Variants in LRRTM3 observed in about 807,000 individuals in gnomAD.
LRRTM3 encodes the protein leucine rich repeat transmembrane neuronal 3, also known as leucine-rich repeat transmembrane neuronal protein 3.
A neutral mutation model predicts 44.7 loss-of-function variants in LRRTM3; 24 were observed. That is an observed-to-expected ratio of 0.54 (90% CI 0.39 to 0.76). The LOEUF is 0.76. Ranked by LOEUF, LRRTM3 falls within the 30% of genes least tolerant of loss-of-function variation. The pLI is 0.00. For synonymous variants in LRRTM3, 277 were observed against 278.7 expected (o/e 0.99, Z 0.06); for missense variants, 587 against 702.2 (o/e 0.84, Z 1.85).
intron 2 of LRRTM3, among the ~76,000 whole-genome samples, chr10:66,970,959 G>A (rs1029055025): frequency 6.6e-6 from 1 of 152,098 alleles, no homozygotes; most frequent in Non-Finnish European, 1.5e-5. Context: ...TATTAATTGT[G>A]CCAGGATTTC....
At chr10:67,013,884 A>G (rs1379640235) in intron 2 of LRRTM3, among the ~76,000 whole-genome samples, 1 of 152,152 alleles carries the variant, frequency 6.6e-6, no homozygotes, top group East Asian at 1.9e-4. Context: ...GATCTCTGAT[A>G]TCTAGCCTTC....
intron 2 of LRRTM3, among the ~76,000 whole-genome samples, chr10:66,967,585 C>T (rs1003451002): frequency 6.6e-6 from 1 of 151,916 alleles, no homozygotes; most frequent in African/African-American, 2.4e-5. Flanking sequence ...ATGATACAAC[C>T]ATATGAGGCG....
chr10:66,998,700 A>G (rs1284047569), intron 2 of LRRTM3, among the ~76,000 whole-genome samples: 1 of 152,184 alleles, frequency 6.6e-6, no homozygotes, highest in Non-Finnish European at 1.5e-5. Context: ...AACATTGTCC[A>G]GAATATACAA....
chr10:67,055,539 G>T (rs1377976220), intron 2 of LRRTM3, among the ~76,000 whole-genome samples: 5 of 152,160 alleles, frequency 3.3e-5, no homozygotes, highest in Admixed American at 3.3e-4. Context: ...AATGCCATTT[G>T]CAGGCTAGAA....
intron 2 of LRRTM3, among the ~76,000 whole-genome samples, chr10:67,042,534 G>T (rs986099787): frequency 1.3e-5 from 2 of 151,964 alleles, no homozygotes; most frequent in Admixed American, 6.6e-5. Flanking sequence ...TGTGGCAGTG[G>T]ATCAAATAGT....
In LRRTM3 at chr10:66,928,074, G is replaced by T. The variant is rs1847173343; in HGVS notation, c.1158G>T (p.Arg386Ser). ...CGACGTTTAAGCCCAAGCTCCCCAGGCCGAAGCATGAGAGCAAACCCCCTT... is the reference window on the plus strand; with the variant it reads ...CGACGTTTAAGCCCAAGCTCCCCAGTCCGAAGCATGAGAGCAAACCCCCTT... ...PKPTFKPKLP[R>S]PKHESKPPLP... Residue 386 changes from arginine (R) to serine (S), a missense_variant, in exon 2 of 3, where the codon AGG becomes AGT. By Grantham distance (110) the Arg-to-Ser change is moderately radical. Around this residue, in one of 3 missense-constraint regions of LRRTM3, gnomAD observed 315 missense variants for 335.6 expected, o/e 0.94. Coordinates refer to ENST00000361320, the MANE Select transcript of LRRTM3 (RefSeq NM_178011.5). The T allele has an allele frequency of 1.2e-6, 2 of 1,614,070 alleles. No homozygotes were observed. The highest frequency in any genetic ancestry group is 2.2e-5 in the East Asian group (1 of 44,866).
intron 2 of LRRTM3, among the ~76,000 whole-genome samples, chr10:67,083,041 T>G (rs1464781388): frequency 1.3e-5 from 2 of 152,168 alleles, no homozygotes; most frequent in Non-Finnish European, 2.9e-5. Context: ...AAAAAGCAGG[T>G]GTTCACCTAA....
chr10:67,048,804 C>A (rs867441529), intron 2 of LRRTM3, among the ~76,000 whole-genome samples: 7 of 151,988 alleles, frequency 4.6e-5, no homozygotes, highest in Admixed American at 4.6e-4. Flanking sequence ...TATTATATCT[C>A]ATAACATAAT....
chr10:66,998,937 A>C (rs1051894914), intron 2 of LRRTM3, among the ~76,000 whole-genome samples: 1 of 152,164 alleles, frequency 6.6e-6, no homozygotes, highest in African/African-American at 2.4e-5. Context: ...TTTAAAACTG[A>C]ACATATACAT....
At chr10:67,044,366 C>T (rs1854595939) in intron 2 of LRRTM3, among the ~76,000 whole-genome samples, 1 of 152,038 alleles carries the variant, frequency 6.6e-6, no homozygotes, top group African/African-American at 2.4e-5. Flanking sequence ...TTTAAAATTA[C>T]CTGGCACTAT....
At chr10:66,968,855 A>G (rs1489656639) in intron 2 of LRRTM3, among the ~76,000 whole-genome samples, 3 of 151,978 alleles carry the variant, frequency 2.0e-5, no homozygotes, top group African/African-American at 7.3e-5. Flanking sequence ...TGTCTCTACC[A>G]AAACTACAAA....
chr10:66,931,543 G>A (rs1272935955), intron 2 of LRRTM3, among the ~76,000 whole-genome samples: 1 of 152,178 alleles, frequency 6.6e-6, no homozygotes, highest in African/African-American at 2.4e-5. Context: ...CTATGGAGCA[G>A]CAGTGACCTC....
chr10:67,017,752 T>TGTGTGC (rs1491459209), intron 2 of LRRTM3, among the ~76,000 whole-genome samples: 78 of 145,952 alleles, frequency 5.3e-4, no homozygotes, highest in African/African-American at 1.8e-3. Flanking sequence ...TGTGTGTGTG[T>TGTGTGC]GCGCGCGTAC....
At chr10:66,976,693 T>C (rs1850052426) in intron 2 of LRRTM3, among the ~76,000 whole-genome samples, 1 of 152,236 alleles carries the variant, frequency 6.6e-6, no homozygotes, top group Admixed American at 6.5e-5. Flanking sequence ...CACTGATCTA[T>C]TTACTTTCTT....
chr10:66,970,736 C>G (rs909182956), intron 2 of LRRTM3, among the ~76,000 whole-genome samples: 3 of 152,062 alleles, frequency 2.0e-5, no homozygotes, highest in Non-Finnish European at 2.9e-5. Flanking sequence ...TTCCTTATCT[C>G]CAGGCAGAAC....
At chr10:67,095,583 A>G (rs1187967048) in intron 2 of LRRTM3, among the ~76,000 whole-genome samples, 1 of 151,882 alleles carries the variant, frequency 6.6e-6, no homozygotes, top group Non-Finnish European at 1.5e-5. Context: ...CACACAGAAT[A>G]AATGTATCAT....
chr10:66,980,088 A>G (rs898972481), intron 2 of LRRTM3, among the ~76,000 whole-genome samples: 3 of 152,184 alleles, frequency 2.0e-5, no homozygotes, highest in African/African-American at 7.2e-5. Context: ...CTTGTAAAGC[A>G]CCAACTGTAT....
chr10:67,023,818 G>A (rs990019920), intron 2 of LRRTM3, among the ~76,000 whole-genome samples: 1 of 152,152 alleles, frequency 6.6e-6, no homozygotes, highest in Non-Finnish European at 1.5e-5. Context: ...TGCAAGGTTA[G>A]GATACAGGAG....
intron 2 of LRRTM3, among the ~76,000 whole-genome samples, chr10:67,072,898 T>A (rs530184396): frequency 2.9e-5 from 1 of 34,942 alleles, no homozygotes; most frequent in Admixed American, 2.1e-4. Context: ...GCCTTTGGCT[T>A]CCTATGCAGC....
Sources: allele counts gnomAD v4.1 joint callset (sites outside exome capture counted in the v4.1 genomes callset), GRCh38; gene constraint gnomAD v4.1.1; regional missense constraint gnomAD v4.1.1; transcripts MANE v1.5; gene names NCBI Gene and HGNC (gene_info 2026-07-23, HGNC 2026-07-21).